Variants in TMEM74 observed in about 807,000 individuals in gnomAD.
TMEM74 encodes the protein transmembrane protein 74.
In TMEM74, 13 loss-of-function variants were observed where a neutral mutation model predicts 18.1. The ratio of observed to expected loss-of-function variants is 0.72; its 90% CI spans 0.47 to 1.14. The LOEUF (loss-of-function observed/expected upper bound fraction) is 1.14. Ranked by LOEUF, TMEM74 falls within the 50% of genes most tolerant of loss-of-function variation. TMEM74 has a pLI of 0.00. For synonymous variants in TMEM74, 159 were observed against 146.6 expected (o/e 1.08, Z -0.61); for missense variants, 372 against 375.9 (o/e 0.99, Z 0.09).
chr8:108,773,963 C>T (rs1288930028), intron 1 of TMEM74, among the ~76,000 whole-genome samples: 1 of 152,158 alleles, frequency 6.6e-6, no homozygotes, highest in African/African-American at 2.4e-5. Context: ...TTTTAAGCTA[C>T]ACTTTGGGGT....
chr8:108,734,758 C>T (rs552376137), intron 1 of TMEM74, among the ~76,000 whole-genome samples: 2 of 152,274 alleles, frequency 1.3e-5, no homozygotes, highest in South Asian at 2.1e-4. Flanking sequence ...GGTTCATCCT[C>T]GCATCAATTC....
intron 1 of TMEM74, among the ~76,000 whole-genome samples, chr8:108,698,688 T>C (rs1436980421): frequency 6.6e-6 from 1 of 152,142 alleles, no homozygotes; most frequent in Non-Finnish European, 1.5e-5. Context: ...AGTTCAGAGG[T>C]TTGAGTGTTT....
intron 1 of TMEM74, among the ~76,000 whole-genome samples, chr8:108,661,743 G>A (rs1188503506): frequency 1.3e-5 from 2 of 152,020 alleles, no homozygotes; most frequent in South Asian, 2.1e-4. Context: ...CACAATGAAC[G>A]GGGCAGCCTC....
chr8:108,666,521 T>G (rs1337963391), intron 1 of TMEM74, among the ~76,000 whole-genome samples: 1 of 152,170 alleles, frequency 6.6e-6, no homozygotes, highest in East Asian at 1.9e-4. Flanking sequence ...TCCCAGCTTA[T>G]GGACAAAGGA....
chr8:108,746,432 G>T (rs1371704843), intron 1 of TMEM74, among the ~76,000 whole-genome samples: 1 of 152,032 alleles, frequency 6.6e-6, no homozygotes, highest in African/African-American at 2.4e-5. Context: ...CTTAGGTTTT[G>T]GCATCTCAAT....
intron 1 of TMEM74, among the ~76,000 whole-genome samples, chr8:108,700,020 A>AT (rs35107696): frequency 0.23 from 35,147 of 152,138 alleles, 4,118 homozygotes; most frequent in East Asian, 0.29. Flanking sequence ...TAATTCCTAT[A>AT]TTTTGTGACA....
At chr8:108,746,138 C>T (rs1383700632) in intron 1 of TMEM74, among the ~76,000 whole-genome samples, 9 of 152,198 alleles carry the variant, frequency 5.9e-5, no homozygotes, top group Non-Finnish European at 1.2e-4. Flanking sequence ...GCTTCAACTC[C>T]AAACTTGATG....
intron 1 of TMEM74, among the ~76,000 whole-genome samples, chr8:108,690,212 G>T (rs1813211509): frequency 6.6e-6 from 1 of 152,030 alleles, no homozygotes. Context: ...CAGTTTAGCT[G>T]TCTTGAGTAA....
chr8:108,644,833 TTAAA>T (rs1812701383), intron 2 of TMEM74, among the ~76,000 whole-genome samples: 1 of 152,256 alleles, frequency 6.6e-6, no homozygotes, highest in East Asian at 1.9e-4. Flanking sequence ...ATGGCTACTA[TTAAA>T]TAGTCAAAAA....
intron 1 of TMEM74, among the ~76,000 whole-genome samples, chr8:108,724,540 A>G (rs1813614916): frequency 6.6e-6 from 1 of 152,210 alleles, no homozygotes; most frequent in Non-Finnish European, 1.5e-5. Flanking sequence ...CAACATATAC[A>G]AAATTAAGAG....
At chr8:108,615,341 T>C (rs1163637991) in intron 2 of TMEM74, among the ~76,000 whole-genome samples, 2 of 152,198 alleles carry the variant, frequency 1.3e-5, no homozygotes, top group Non-Finnish European at 2.9e-5. Flanking sequence ...GACACATTTG[T>C]ATACTAGAAA....
intron 1 of TMEM74, among the ~76,000 whole-genome samples, chr8:108,729,106 A>G (rs1813669178): frequency 6.6e-6 from 1 of 152,202 alleles, no homozygotes; most frequent in Admixed American, 6.5e-5. Context: ...CAATGGGCTA[A>G]AATCAACTTG....
At chr8:108,632,684 T>C (rs1279092718) in intron 2 of TMEM74, among the ~76,000 whole-genome samples, 1 of 152,008 alleles carries the variant, frequency 6.6e-6, no homozygotes, top group Non-Finnish European at 1.5e-5. Flanking sequence ...GATTAACATG[T>C]TAATATGTTA....
intron 2 of TMEM74, among the ~76,000 whole-genome samples, chr8:108,628,341 G>A (rs144102413): frequency 2.0e-4 from 30 of 152,082 alleles, no homozygotes; most frequent in Admixed American, 2.6e-4. Flanking sequence ...TTAGGTTCTC[G>A]TCCTGCAAAA....
chr8:108,641,001 C>G (rs964428564), intron 2 of TMEM74, among the ~76,000 whole-genome samples: 1 of 152,118 alleles, frequency 6.6e-6, no homozygotes, highest in African/African-American at 2.4e-5. Flanking sequence ...AACTTTTTCT[C>G]CCTGCCCAAT....
At position 108,742,682 on chromosome 8, in the gene TMEM74, G is replaced by T. The variant is rs766973803; in HGVS notation, n.119+44794C>A. On this transcript the variant is annotated intron_variant and non_coding_transcript_variant, in intron 1 of 3. Coordinates refer to the TMEM74 transcript ENST00000518838. ...GCTAAGGCAGTAACTATAGTAGAAA[G>T]TGTTCTGGATTCAAAGTCCTGAGCT... Among the ~76,000 whole-genome samples, 3 of 152,314 alleles carry T rather than the reference G, an allele frequency of 2.0e-5. No individual in the cohort carries two copies. The East Asian group carries it at 5.8e-4, about 29-fold the overall frequency.
chr8:108,652,570 A>G (rs963474547), intron 2 of TMEM74: 1 of 591,530 alleles, frequency 1.7e-6, no homozygotes, highest in South Asian at 1.7e-5. Flanking sequence ...TGGGTATCAT[A>G]AGAAAAATAT....
chr8:108,776,897 T>TA (rs1814240564), downstream of TMEM74, among the ~76,000 whole-genome samples: 1 of 152,132 alleles, frequency 6.6e-6, no homozygotes, highest in African/African-American at 2.4e-5. Context: ...AGTAATCATC[T>TA]GACAATTGGG....
At chr8:108,728,141 A>T (rs545790739) in intron 1 of TMEM74, among the ~76,000 whole-genome samples, 3 of 152,324 alleles carry the variant, frequency 2.0e-5, no homozygotes, top group African/African-American at 7.2e-5. Flanking sequence ...TCTTTTAAGG[A>T]GTTTTGCTGC....
Sources: gnomAD v4.1 joint callset for allele counts (sites outside exome capture counted in the v4.1 genomes callset) on GRCh38, gnomAD v4.1.1 for gene constraint, MANE v1.5 for transcripts, NCBI Gene and HGNC (gene_info 2026-07-23, HGNC 2026-07-21) for gene names.